RBBP6: variants seen among roughly 807,000 people sequenced by gnomAD.
RBBP6 encodes RB binding protein 6, ubiquitin ligase.
Under a neutral mutation model 167.7 loss-of-function variants are expected in RBBP6, and 25 were observed. The ratio of observed to expected loss-of-function variants is 0.15; its 90% CI spans 0.11 to 0.21. The LOEUF (loss-of-function observed/expected upper bound fraction) is 0.21, where lower values mean the gene tolerates loss of function less well. Ranked by LOEUF, RBBP6 falls within the 10% of genes least tolerant of loss-of-function variation. RBBP6 has a pLI of 1.00. For missense variants in RBBP6, 1,868 were observed against 2,134.2 expected (o/e 0.88, Z 2.46); for synonymous variants, 789 against 735.8 (o/e 1.07, Z -1.17).
chr16:24,564,981 G>A, intron 14 of RBBP6, 116 bp downstream of exon 14: 2 of 1,436,676 alleles, frequency 1.4e-6, no homozygotes, highest in Non-Finnish European at 1.8e-6. Context: ...TTTGTATTGT[G>A]CTTATCCCTC....
intron 2 of RBBP6, 31 bp from the exon 3 acceptor site, chr16:24,548,914 T>C (rs373345269): frequency 5.2e-6 from 8 of 1,546,564 alleles, no homozygotes; most frequent in Non-Finnish European, 6.2e-6. Context: ...AAATAGCTAA[T>C]GTTAATTTTT....
chr16:24,542,081 T>C (rs1476665661), intron 1 of RBBP6, among the ~76,000 whole-genome samples: 9 of 152,240 alleles, frequency 5.9e-5, no homozygotes, highest in African/African-American at 1.9e-4. Flanking sequence ...GAAAATACTG[T>C]CTGCTTCCCC....
At position 24,569,923 on chromosome 16, in the gene RBBP6, C is replaced by T. The variant is rs749766888; in HGVS notation, c.3233C>T (p.Ser1078Phe). The T allele has an allele frequency of 6.2e-7, 1 of 1,604,946 alleles. No individual in the cohort carries two copies. Among genetic ancestry groups the T allele is most frequent in the Non-Finnish European group, 8.5e-7 (1 of 1,177,958 alleles). The change falls in exon 17 of 18, where the codon TCT becomes TTT. Residue 1078 changes from serine (S) to phenylalanine (F), a missense_variant. Physicochemically the swap from Ser to Phe is radical, Grantham distance 155 (BLOSUM62 -2). Around this residue, in one of 7 missense-constraint regions of RBBP6, gnomAD observed 673 missense variants for 691.5 expected, o/e 0.97. Transcript: ENST00000319715. ...KTDNTKSSSS[S>F]QKDEKITGTP... Reference sequence around the variant, plus strand: ...GACAATACTAAATCATCATCTTCCTCTCAGAAGGATGAAAAAATCACTGGA... The same window carrying T: ...GACAATACTAAATCATCATCTTCCTTTCAGAAGGATGAAAAAATCACTGGA...
At position 24,540,412 on chromosome 16, in the gene RBBP6, T is replaced by C. The variant is rs1436078873; in HGVS notation, c.-215T>C. The C allele has an allele frequency of 6.9e-6, 3 of 436,280 alleles. No homozygotes were observed. Among genetic ancestry groups the C allele is most frequent in the Admixed American group, 4.0e-5 (1 of 24,904 alleles). The allele number at this position is 436,280 out of a possible 1,614,324, so 27.0% of individuals were successfully genotyped here. A position where few individuals can be genotyped will look rare whatever the true frequency, so the allele number is the denominator to read the frequency against. ...CTCTTCCCCGTCCTCGTCCTCCTCCTCCCCCATGAAGTGATTCTGAGTATC... is the reference window on the plus strand; with the variant it reads ...CTCTTCCCCGTCCTCGTCCTCCTCCCCCCCCATGAAGTGATTCTGAGTATC... On this transcript the variant is annotated 5_prime_UTR_variant, in exon 1 of 18. Coordinates refer to ENST00000319715, the MANE Select transcript of RBBP6 (RefSeq NM_006910.5).
intron 3 of RBBP6, chr16:24,549,273 C>A: frequency 1.6e-6 from 2 of 1,219,836 alleles, no homozygotes; most frequent in African/African-American, 1.6e-5. Context: ...CTTTTTAGAT[C>A]GTTTAGGTTT....
Sources: gnomAD v4.1 joint callset for allele counts (sites outside exome capture counted in the v4.1 genomes callset) on GRCh38, gnomAD v4.1.1 for gene constraint, gnomAD v4.1.1 regional missense constraint, MANE v1.5 for transcripts, NCBI Gene and HGNC (gene_info 2026-07-23, HGNC 2026-07-21) for gene names.